The following PLCB4 variants were observed in gnomAD, a reference collection of about 807,000 sequenced individuals.
The protein encoded by PLCB4 is phospholipase C beta 4.
In PLCB4, 77 loss-of-function variants were observed where a neutral mutation model predicts 178.8. That is an observed-to-expected ratio of 0.43 (90% CI 0.36 to 0.52). The LOEUF is 0.52. PLCB4 is among the 20% of genes least tolerant of loss of function. The pLI is 0.00. For missense variants in PLCB4, 1,024 were observed against 1,453.4 expected, an observed-to-expected ratio of 0.70 and a Z score of 4.80; for synonymous variants, 496 against 490.8, an observed-to-expected ratio of 1.01 and a Z score of -0.14.
intron 2 of PLCB4, among the ~76,000 whole-genome samples, chr20:9,208,179 C>G (rs2093634801): frequency 6.6e-6 from 1 of 152,176 alleles, no homozygotes; most frequent in South Asian, 2.1e-4. Flanking sequence ...GGAAGGGTCC[C>G]AGGGCCAGTG....
chr20:9,221,142 G>C (rs1410749710), intron 3 of PLCB4, among the ~76,000 whole-genome samples: 1 of 152,092 alleles, frequency 6.6e-6, no homozygotes, highest in Non-Finnish European at 1.5e-5. Flanking sequence ...AGCCAAGCAG[G>C]GAGATGATTC....
chr20:9,424,902 T>C (rs1243409610), intron 28 of PLCB4, among the ~76,000 whole-genome samples: 1 of 152,190 alleles, frequency 6.6e-6, no homozygotes, highest in Non-Finnish European at 1.5e-5. Flanking sequence ...TTTTTAGTAG[T>C]GCATGCTTCT....
intron 35 of PLCB4, among the ~76,000 whole-genome samples, chr20:9,464,127 A>G (rs550544436): frequency 2.0e-5 from 3 of 152,314 alleles, no homozygotes; most frequent in Admixed American, 6.5e-5. Flanking sequence ...TAAGAAACTC[A>G]CTCAAAACTG....
At chr20:9,300,870 A>G (rs1860739378) in intron 3 of PLCB4, among the ~76,000 whole-genome samples, 2 of 152,094 alleles carry the variant, frequency 1.3e-5, no homozygotes, top group South Asian at 2.1e-4. Flanking sequence ...ACTATAAAAA[A>G]TTAGCACAAA....
rs975531745 is a variant in PLCB4 at position 9,476,835 on chromosome 20, G to A, written c.3532+82G>A. ...TTCTCTGTGCAGTCTCCATTTATGA[G>A]TCACATCTGGTCATAACTAATATCT... On this transcript the variant is annotated intron_variant, in intron 39 of 39. Transcript: ENST00000378473. The A allele has an allele frequency of 6.9e-6, 6 of 867,924 alleles. No homozygotes were observed. In the African/African-American group the frequency reaches 8.4e-5, roughly 12 times the overall value. The allele number at this position is 867,924 out of a possible 1,614,324, so 53.8% of individuals were successfully genotyped here.
intron 3 of PLCB4, among the ~76,000 whole-genome samples, chr20:9,229,850 T>G (rs1207875279): frequency 6.6e-6 from 1 of 151,958 alleles, no homozygotes; most frequent in South Asian, 2.1e-4. Flanking sequence ...ATGCTCTCCC[T>G]CCCCCTACTT....
intron 2 of PLCB4, among the ~76,000 whole-genome samples, chr20:9,172,284 G>A (rs1031169061): frequency 2.0e-5 from 3 of 152,122 alleles, no homozygotes; most frequent in Admixed American, 1.3e-4. Flanking sequence ...AAAAACTTAA[G>A]ATTCCATAAT....
At chr20:9,284,531 G>A (rs1209441323) in intron 3 of PLCB4, among the ~76,000 whole-genome samples, 2 of 151,930 alleles carry the variant, frequency 1.3e-5, no homozygotes, top group Non-Finnish European at 2.9e-5. Context: ...AAGGTATGGA[G>A]AATTACATGG....
intron 2 of PLCB4, among the ~76,000 whole-genome samples, chr20:9,211,232 T>C (rs1202112049): frequency 4.6e-5 from 7 of 152,222 alleles, no homozygotes; most frequent in Non-Finnish European, 8.8e-5. Context: ...AGATGAGTCC[T>C]AACACCGCCT....
At chr20:9,082,070 A>G (rs2090179059) in intron 1 of PLCB4, among the ~76,000 whole-genome samples, 1 of 151,564 alleles carries the variant, frequency 6.6e-6, no homozygotes, top group Non-Finnish European at 1.5e-5. Context: ...TAATCAAGTT[A>G]TTCTTATTTT....
chr20:9,146,744 G>A (rs1306283318), intron 2 of PLCB4, among the ~76,000 whole-genome samples: 11 of 152,068 alleles, frequency 7.2e-5, no homozygotes, highest in East Asian at 5.8e-4. Flanking sequence ...CCAAGGTGCC[G>A]GAGCCATCTC....
intron 4 of PLCB4, among the ~76,000 whole-genome samples, chr20:9,309,654 T>G (rs568730177): frequency 1.3e-5 from 2 of 152,336 alleles, no homozygotes; most frequent in South Asian, 2.1e-4. Flanking sequence ...AGACTAATAA[T>G]TCAGAGAAGG....
At chr20:9,420,535 G>A (rs913034345) in intron 26 of PLCB4, among the ~76,000 whole-genome samples, 3 of 151,930 alleles carry the variant, frequency 2.0e-5, no homozygotes, top group African/African-American at 7.3e-5. Context: ...TACCATGTTG[G>A]CCAGGCTGTT....
intron 13 of PLCB4, among the ~76,000 whole-genome samples, chr20:9,381,577 A>T (rs2037146313): frequency 6.6e-6 from 1 of 152,186 alleles, no homozygotes. Flanking sequence ...TTTATTTCCA[A>T]ATTCCTTCTA....
chr20:9,350,258 A>C lies in PLCB4; in HGVS notation c.369+11221A>C, dbSNP rs896951837. Among the ~76,000 whole-genome samples the C allele has an allele frequency of 2.5e-4, 38 of 152,198 alleles. 1 individual carries two copies. Among genetic ancestry groups the C allele is most frequent in the African/African-American group, 9.2e-4 (38 of 41,456 alleles). On this transcript the variant is annotated intron_variant, in intron 7 of 39. Transcript: ENST00000378473. ...AATGGAAAAGATTTGCTGGTCTCTA[A>C]TAATAATACTAATAATAGTAGCAGC...
Position 9,080,345 on chromosome 20 carries a change from T to C in PLCB4, c.-135+11139T>C, listed in dbSNP as rs76656815. Among the ~76,000 whole-genome samples, 1,159 of 152,330 alleles carry C rather than the reference T, an allele frequency of 7.6e-3. 15 individuals are homozygous for C. Among genetic ancestry groups the C allele is most frequent in the African/African-American group, 0.027 (1,108 of 41,576 alleles). On this transcript the variant is annotated intron_variant, in intron 1 of 39. Transcript: ENST00000378473. ...CATAAAATAATACTGCTATAAGGTA[T>C]ATCAGAGTTCATTTCTTCTTACCTC...
intron 25 of PLCB4, among the ~76,000 whole-genome samples, chr20:9,415,823 C>T (rs1442457662): frequency 6.6e-6 from 1 of 152,198 alleles, no homozygotes; most frequent in Admixed American, 6.5e-5. Context: ...CCCTGTAGAA[C>T]TGCACAATTA....
At chr20:9,273,461 C>T (rs996523657) in intron 3 of PLCB4, among the ~76,000 whole-genome samples, 35 of 152,112 alleles carry the variant, frequency 2.3e-4, no homozygotes, top group African/African-American at 8.2e-4. Flanking sequence ...ACTCCAGAGC[C>T]CATACTTGTA....
At chr20:9,471,503 C>A (rs918009698) in intron 36 of PLCB4, among the ~76,000 whole-genome samples, 2 of 152,006 alleles carry the variant, frequency 1.3e-5, no homozygotes, top group African/African-American at 4.8e-5. Context: ...TTAAAAAAAA[C>A]TACCAATAAA....
Sources: allele counts gnomAD v4.1 joint callset (sites outside exome capture counted in the v4.1 genomes callset), GRCh38; gene constraint gnomAD v4.1.1; transcripts MANE v1.5; gene names NCBI Gene and HGNC (gene_info 2026-07-23, HGNC 2026-07-21).